NGFR: variants seen among roughly 807,000 people sequenced by gnomAD.
The protein encoded by NGFR is tumor necrosis factor receptor superfamily member 16.
NGFR carries 30 observed loss-of-function variants against 43.2 expected under a neutral mutation model. The ratio of observed to expected loss-of-function variants is 0.69; its 90% CI spans 0.52 to 0.94. The LOEUF is 0.94. Among genes scored for constraint, NGFR ranks in the 40% least tolerant of loss-of-function variants. The pLI, the probability that NGFR is intolerant of heterozygous loss-of-function variation, is 0.00. For missense variants in NGFR, 529 were observed against 602.5 expected, an observed-to-expected ratio of 0.88 and a Z score of 1.28; for synonymous variants, 246 against 259.6, an observed-to-expected ratio of 0.95 and a Z score of 0.50.
At position 49,510,594 on chromosome 17, in the gene NGFR, C is replaced by T. The variant is rs1283298059; in HGVS notation, c.751C>T (p.Leu251Phe). ...GGTGACCCGAGGCACCACCGACAACCTCATCCCTGTCTATTGCTCCATCCT... is the reference window on the plus strand; with the variant it reads ...GGTGACCCGAGGCACCACCGACAACTTCATCCCTGTCTATTGCTCCATCCT... The part of the protein sequence containing the change: ...PVVTRGTTDN[L>F]IPVYCSILAA... Residue 251 changes from leucine (L) to phenylalanine (F), a missense_variant, in exon 4 of 6, where the codon CTC becomes TTC. Physicochemically the swap from Leu to Phe is conservative, Grantham distance 22 (BLOSUM62 0). Coordinates refer to ENST00000172229, the MANE Select transcript of NGFR (RefSeq NM_002507.4). 1.9e-6 allele frequency: 3 copies of T among 1,614,112 alleles called. No homozygotes were observed. Among genetic ancestry groups the T allele is most frequent in the Non-Finnish European group, 2.5e-6 (3 of 1,180,016 alleles).
chr17:49,511,804 G>A (rs2071234285), intron 4 of NGFR, 88 bp from the exon 5 acceptor site: 2 of 1,410,400 alleles, frequency 1.4e-6, no homozygotes, highest in Non-Finnish European at 1.9e-6. Flanking sequence ...CATGCCCCTG[G>A]CCCTCACACG....
chr17:49,498,298 C>G (rs540244424), intron 1 of NGFR, among the ~76,000 whole-genome samples: 4 of 152,328 alleles, frequency 2.6e-5, no homozygotes, highest in South Asian at 4.1e-4. Flanking sequence ...AGCCCCTTCT[C>G]CACACGCAGA....
rs555022996 is a variant in NGFR, at chr17:49,514,752, T to C, written c.*1743T>C. Reference sequence around the variant, plus strand: ...CAGAGTCTGGGTGTATTTATTTTCCTCCCCAGCAGGTGGGGAGGGGGTTTG... The same window carrying C: ...CAGAGTCTGGGTGTATTTATTTTCCCCCCCAGCAGGTGGGGAGGGGGTTTG... On this transcript the variant is annotated 3_prime_UTR_variant, in exon 6 of 6. Coordinates refer to ENST00000172229, the MANE Select transcript of NGFR (RefSeq NM_002507.4). 6.6e-5 allele frequency: 10 copies of C among 152,192 alleles called. No homozygotes were observed. The East Asian group carries it at 1.9e-3, about 29-fold the overall frequency. The allele number at this position is 152,192 out of a possible 1,614,324, so 9.4% of individuals were successfully genotyped here. A position where few individuals can be genotyped will look rare whatever the true frequency, so the allele number is the denominator to read the frequency against.
At chr17:49,507,832 C>T (rs906040970) in intron 3 of NGFR, among the ~76,000 whole-genome samples, 5 of 152,294 alleles carry the variant, frequency 3.3e-5, no homozygotes, top group African/African-American at 4.8e-5. Flanking sequence ...ATGAGAGAGA[C>T]GTGGTCCCAG....
At chr17:49,502,576 G>A (rs1005630871) in intron 2 of NGFR, among the ~76,000 whole-genome samples, 9 of 152,240 alleles carry the variant, frequency 5.9e-5, no homozygotes, top group East Asian at 1.9e-4. Flanking sequence ...ACTTATCCCC[G>A]GTGTGTTTGG....
intron 1 of NGFR, among the ~76,000 whole-genome samples, chr17:49,498,860 C>T (rs184574664): frequency 6.6e-6 from 1 of 152,284 alleles, no homozygotes; most frequent in African/African-American, 2.4e-5. Context: ...TTAGTCACCC[C>T]TCCCTACTTG....
At chr17:49,508,757 C>G (rs2071214286) in intron 3 of NGFR, among the ~76,000 whole-genome samples, 1 of 152,176 alleles carries the variant, frequency 6.6e-6, no homozygotes, top group Non-Finnish European at 1.5e-5. Flanking sequence ...ATCCCCCCGC[C>G]CCCGTCAGAG....
chr17:49,502,543 G>T (rs1409421444), intron 2 of NGFR, among the ~76,000 whole-genome samples: 1 of 152,196 alleles, frequency 6.6e-6, no homozygotes, highest in Admixed American at 6.5e-5. Context: ...AATATCATCT[G>T]CACTGCAAAA....
chr17:49,506,671 C>CGGGGGGTGGGGGGGGGGGG lies in NGFR; in HGVS notation c.568+19_568+20insTGGGGGGGGGGGGGGGGGG. 1 of 116,718 alleles carries CGGGGGGTGGGGGGGGGGGG rather than the reference C, an allele frequency of 8.6e-6. No individual in the cohort carries two copies. The highest frequency in any genetic ancestry group is 6.8e-4 in the Admixed American group (1 of 1,476). The allele number at this position is 116,718 out of a possible 1,614,324, so 7.2% of individuals were successfully genotyped here. A position where few individuals can be genotyped will look rare whatever the true frequency, so the allele number is the denominator to read the frequency against. On this transcript the variant is annotated intron_variant, in intron 3 of 5. Transcript: ENST00000172229. ...GCCGAGTGCGAGGGTGAGTGCGGTT[C>CGGGGGGTGGGGGGGGGGGG]GGGGGGCGGGGGGAGTGGGGGTGCG...
Position 49,500,362 on chromosome 17 carries a change from C to T in NGFR, c.67-1701C>T, listed in dbSNP as rs147389422. Among the ~76,000 whole-genome samples, 401 of 152,306 alleles carry T rather than the reference C, an allele frequency of 2.6e-3. 2 individuals carry two copies. Among genetic ancestry groups the T allele is most frequent in the South Asian group, 0.011 (55 of 4,830 alleles). Reference sequence around the variant, plus strand: ...TATTTTCATGTATTTCAACTCCACGCGTGTATGCATTGTGTCCCTACTGCA... The same window carrying T: ...TATTTTCATGTATTTCAACTCCACGTGTGTATGCATTGTGTCCCTACTGCA... On this transcript the variant is annotated intron_variant, in intron 1 of 5. Coordinates refer to ENST00000172229, the MANE Select transcript of NGFR (RefSeq NM_002507.4).
rs781199515 is a variant in NGFR at position 49,510,381 on chromosome 17, G to A, written c.569-31G>A. 4.4e-6 allele frequency: 7 copies of A among 1,606,196 alleles called. No individual in the cohort carries two copies. In the South Asian group the frequency reaches 4.4e-5, roughly 10 times the overall value. The stretch of plus-strand genomic sequence containing the variant: ...GCTAAAAGGGAGGAGTGGGGGAAGT[G>A]GGTCCTCACTCCTGTGGCCTTTTCT... On this transcript the variant is annotated intron_variant, in intron 3 of 5. Coordinates refer to ENST00000172229, the MANE Select transcript of NGFR (RefSeq NM_002507.4).
At chr17:49,502,548 G>A (rs887153672) in intron 2 of NGFR, among the ~76,000 whole-genome samples, 2 of 152,180 alleles carry the variant, frequency 1.3e-5, no homozygotes, top group African/African-American at 4.8e-5. Flanking sequence ...CATCTGCACT[G>A]CAAAATCAAT....
rs550139650 is a variant in NGFR, at chr17:49,512,237, T to C, written c.982+185T>C. Among the ~76,000 whole-genome samples, 3 of 152,124 alleles carry C rather than the reference T, an allele frequency of 2.0e-5. No homozygotes were observed. Among genetic ancestry groups the C allele is most frequent in the Non-Finnish European group, 4.4e-5 (3 of 68,024 alleles). ...AGAGGTCCTCTCTAGAGGAACGACT[T>C]GGGAAATGGAGGCTTTTACAAGTTG... is the stretch of plus-strand genomic sequence containing the variant. On this transcript the variant is annotated intron_variant, in intron 5 of 5. Transcript: ENST00000172229. This position sits in a 1 kb window ranked among gnomAD's most constrained non-coding sequence, Gnocchi z 5.2.
rs554411601 is a variant in NGFR, at chr17:49,513,770, C to T, written c.*761C>T. On this transcript the variant is annotated 3_prime_UTR_variant, in exon 6 of 6. Coordinates refer to ENST00000172229, the MANE Select transcript of NGFR (RefSeq NM_002507.4). ...TGGCTTGAAGCCAAGTCAGCTTTGC[C>T]TTCCACGCTGTCTCCAGACCCCCAC... 3.3e-4 allele frequency: 51 copies of T among 152,384 alleles called. No homozygotes were observed. The highest frequency in any genetic ancestry group is 4.8e-4 in the Non-Finnish European group (33 of 68,144). 9.4% of individuals were successfully genotyped at this position (152,384 alleles called of 1,614,324 possible). A position where few individuals can be genotyped will look rare whatever the true frequency, so the allele number is the denominator to read the frequency against.
intron 4 of NGFR, 145 bp downstream of exon 4, chr17:49,510,809 C>A: frequency 1.9e-6 from 2 of 1,030,278 alleles, no homozygotes; most frequent in Non-Finnish European, 2.9e-6. Context: ...CCGCCCCACT[C>A]CAGGGTGCAG....
At chr17:49,509,102 G>A (rs1450873121) in intron 3 of NGFR, among the ~76,000 whole-genome samples, 3 of 152,358 alleles carry the variant, frequency 2.0e-5, no homozygotes, top group Middle Eastern at 3.4e-3. Flanking sequence ...GGACGGAGAC[G>A]GGGAAGGGTG....
chr17:49,509,403 C>T (rs779908133), intron 3 of NGFR, among the ~76,000 whole-genome samples: 80 of 152,180 alleles, frequency 5.3e-4, no homozygotes, highest in Non-Finnish European at 9.9e-4. Flanking sequence ...ACGGGGTAGG[C>T]AACATTGCCC....
At position 49,510,490 on chromosome 17, in the gene NGFR, A is replaced by G. The variant is rs1294375498; in HGVS notation, c.647A>G (p.Glu216Gly). 1.2e-6 allele frequency: 2 copies of G among 1,614,084 alleles called. No individual in the cohort carries two copies. Among genetic ancestry groups the G allele is most frequent in the Non-Finnish European group, 1.7e-6 (2 of 1,180,010 alleles). ...DSTAPSTQEPEAPPEQDLIAS... is the reference protein window; with the variant it reads ...DSTAPSTQEPGAPPEQDLIAS... Reference sequence around the variant, plus strand: ...ACAGCCCCCAGCACCCAGGAGCCTGAGGCACCTCCAGAACAAGACCTCATA... The same window carrying G: ...ACAGCCCCCAGCACCCAGGAGCCTGGGGCACCTCCAGAACAAGACCTCATA... Residue 216 changes from glutamate to glycine, a missense_variant, in exon 4 of 6, where the codon GAG (glutamate) becomes GGG (glycine). By Grantham distance (98) the Glu-to-Gly change is moderately conservative (BLOSUM62 -2). Coordinates refer to ENST00000172229, the MANE Select transcript of NGFR (RefSeq NM_002507.4).
chr17:49,510,833 G>A (rs2068246777), intron 4 of NGFR, 169 bp downstream of exon 4: 1 of 788,760 alleles, frequency 1.3e-6, no homozygotes, highest in Non-Finnish European at 2.0e-6. Context: ...GTCAGCAGGA[G>A]GTGAGGGGAG....
Sources: gnomAD v4.1 joint callset for allele counts (sites outside exome capture counted in the v4.1 genomes callset) on GRCh38, gnomAD v4.1.1 for gene constraint, Gnocchi (gnomAD v3.1) non-coding constraint, MANE v1.5 for transcripts, NCBI Gene and HGNC (gene_info 2026-07-23, HGNC 2026-07-21) for gene names.